NBEAL2: variants seen among roughly 807,000 people sequenced by gnomAD.
The protein encoded by NBEAL2 is neurobeachin-like protein 2.
NBEAL2 carries 160 observed loss-of-function variants against 299.8 expected under a neutral mutation model. The observed-to-expected ratio is 0.53, with a 90% CI of 0.47 to 0.61. The LOEUF (loss-of-function observed/expected upper bound fraction) is 0.61, where lower values mean the gene tolerates loss of function less well. Among genes scored for constraint, NBEAL2 ranks in the 20% least tolerant of loss-of-function variants. The pLI is 0.00. For missense variants in NBEAL2, 3,112 were observed against 3,649.0 expected, an observed-to-expected ratio of 0.85 and a Z score of 3.79; for synonymous variants, 1,493 against 1,542.3, an observed-to-expected ratio of 0.97 and a Z score of 0.75.
chr3:46,997,934 C>T (rs977859744), intron 20 of NBEAL2, 133 bp from the exon 21 acceptor site: 4 of 1,289,308 alleles, frequency 3.1e-6, no homozygotes, highest in Non-Finnish European at 4.2e-6. Flanking sequence ...CAGGAAGCCC[C>T]CAAAGGGTTC....
In NBEAL2 at chr3:46,982,946, A is replaced by G. The variant is rs2035445398; in HGVS notation, c.51+3034A>G. ...ACAGGCTGGCGGTTGGGCAGCCCAT[A>G]AAAGTTAATGCCACATAGCATGCAG... On this transcript the variant is annotated intron_variant, in intron 1 of 53. Coordinates refer to ENST00000450053, the MANE Select transcript of NBEAL2 (RefSeq NM_015175.3). The surrounding 1 kb of genome is among the most constrained non-coding windows in gnomAD (Gnocchi z 4.2). 6.6e-6 allele frequency among the ~76,000 whole-genome samples: 1 copy of G among 152,142 alleles called. No homozygotes were observed. Among genetic ancestry groups the G allele is most frequent in the Non-Finnish European group, 1.5e-5 (1 of 68,024 alleles).
chr3:46,995,877 TAG>T (rs1408881136), intron 14 of NBEAL2, 31 bp downstream of exon 14: 5 of 1,613,456 alleles, frequency 3.1e-6, no homozygotes, highest in Non-Finnish European at 4.2e-6. Context: ...TGTGGCCCAG[TAG>T]AGAGAGGGGT....
chr3:47,002,819 G>C lies in NBEAL2; in HGVS notation c.5459+17G>C. Reference sequence around the variant, plus strand: ...GGCGCTGAGGTGGGCCGGGCTTGGGGCAGGGTCGCTGTGGAGGGGTGGGGC... The same window carrying C: ...GGCGCTGAGGTGGGCCGGGCTTGGGCCAGGGTCGCTGTGGAGGGGTGGGGC... On this transcript the variant is annotated intron_variant, in intron 33 of 53. Coordinates refer to ENST00000450053, the MANE Select transcript of NBEAL2 (RefSeq NM_015175.3). 5 of 1,540,542 alleles carry C rather than the reference G, an allele frequency of 3.2e-6. No individual in the cohort carries two copies. Among genetic ancestry groups the C allele is most frequent in the Non-Finnish European group, 4.4e-6 (5 of 1,144,750 alleles).
intron 1 of NBEAL2, among the ~76,000 whole-genome samples, chr3:46,983,695 C>G (rs1412486725): frequency 1.3e-5 from 2 of 152,074 alleles, no homozygotes; most frequent in Non-Finnish European, 1.5e-5. Context: ...TGCTTGGTCC[C>G]CTGCCTCTAT....
Position 47,009,316 on chromosome 3 carries a change from G to A in NBEAL2, c.8261G>A (p.Arg2754His), listed in dbSNP as rs1391286241. The A allele has an allele frequency of 2.5e-6, 4 of 1,590,034 alleles. No individual in the cohort carries two copies. Among genetic ancestry groups the A allele is most frequent in the Admixed American group, 1.7e-5 (1 of 57,770 alleles). The part of the protein sequence containing the change: ...GETEYNPTEA[R>H] ...ACGGAATACAACCCTACTGAGGCGC[G>A]CTGAACCTGGCCAGTCCGGCTGCTC... is the stretch of plus-strand genomic sequence containing the variant. Residue 2754 changes from arginine to histidine, a missense_variant, in exon 54 of 54, where the codon CGC (arginine) becomes CAC (histidine). Arg to His is a conservative substitution (Grantham distance 29). Transcript: ENST00000450053.
At position 47,001,704 on chromosome 3, in the gene NBEAL2, T is replaced by C; in HGVS notation, c.4660T>C (p.Cys1554Arg). The change falls in exon 30 of 54, where the codon TGC becomes CGC. Residue 1554 changes from cysteine (C) to arginine (R), a missense_variant. Cys to Arg is a radical substitution (Grantham distance 180). Around this residue, in one of 3 missense-constraint regions of NBEAL2, gnomAD observed 2,243 missense variants for 2,538.1 expected, o/e 0.88. Transcript: ENST00000450053. The surrounding 1 kb of genome is among the most constrained non-coding windows in gnomAD (Gnocchi z 6.1). ...TCTGTGGCAGCTCTTTGAAGGTGTA[T>C]GCAGCCTACTTGATCGCCTGGGAGC... ...LWSEKLFEGV[C>R]SLLDRLGAWP... 4 of 1,613,794 alleles carry C rather than the reference T, an allele frequency of 2.5e-6. No homozygotes were observed. Among genetic ancestry groups the C allele is most frequent in the Non-Finnish European group, 3.4e-6 (4 of 1,179,824 alleles).
rs766754522 is a variant in NBEAL2 at position 46,989,186 on chromosome 3, G to A, written c.351+20G>A. 2 of 1,613,586 alleles carry A rather than the reference G, an allele frequency of 1.2e-6. No individual in the cohort carries two copies. Among genetic ancestry groups the A allele is most frequent in the Non-Finnish European group, 8.5e-7 (1 of 1,179,724 alleles). The stretch of plus-strand genomic sequence containing the variant: ...GCGGAGGTGAAGTGGCCTCTACCTT[G>A]GGGGGCAGAGGGTGTATGCAGGGAG... On this transcript the variant is annotated intron_variant, in intron 4 of 53. Transcript: ENST00000450053. The surrounding 1 kb of genome is among the most constrained non-coding windows in gnomAD (Gnocchi z 5.5).
In NBEAL2 at chr3:46,982,667, G is replaced by T. The variant is rs2035425572; in HGVS notation, c.51+2755G>T. Among the ~76,000 whole-genome samples, 1 of 152,196 alleles carries T rather than the reference G, an allele frequency of 6.6e-6. No homozygotes were observed. The highest frequency in any genetic ancestry group is 2.4e-5 in the African/African-American group (1 of 41,440). Reference sequence around the variant, plus strand: ...AGCTGAATGACTGGATAGAGGAGGTGGGTCCCATGGCAGTGACCAGTCAGG... The same window carrying T: ...AGCTGAATGACTGGATAGAGGAGGTTGGTCCCATGGCAGTGACCAGTCAGG... On this transcript the variant is annotated intron_variant, in intron 1 of 53. Transcript: ENST00000450053. The surrounding 1 kb of genome is among the most constrained non-coding windows in gnomAD (Gnocchi z 4.2).
At position 46,982,758 on chromosome 3, in the gene NBEAL2, G is replaced by A. The variant is rs1417303793; in HGVS notation, c.51+2846G>A. The stretch of plus-strand genomic sequence containing the variant: ...GAGAGGAAGAAACAGCAGGAGCAGT[G>A]GGACAAGAAGCAAATTGTCAGGAGT... On this transcript the variant is annotated intron_variant, in intron 1 of 53. Coordinates refer to ENST00000450053, the MANE Select transcript of NBEAL2 (RefSeq NM_015175.3). This position sits in a 1 kb window ranked among gnomAD's most constrained non-coding sequence, Gnocchi z 4.2. Among the ~76,000 whole-genome samples, 1 of 152,064 alleles carries A rather than the reference G, an allele frequency of 6.6e-6. No homozygotes were observed. Among genetic ancestry groups the A allele is most frequent in the East Asian group, 1.9e-4 (1 of 5,184 alleles).
chr3:46,988,192 T>G lies in NBEAL2; in HGVS notation c.52-477T>G. On this transcript the variant is annotated intron_variant, in intron 1 of 53. Coordinates refer to ENST00000450053, the MANE Select transcript of NBEAL2 (RefSeq NM_015175.3). This position sits in a 1 kb window ranked among gnomAD's most constrained non-coding sequence, Gnocchi z 4.4. ...ACACGTGTGTCCTGGGATCCACAGT[T>G]AAAGAAGGCTACTGAAGGTGGTGGC... 1.3e-6 allele frequency: 1 copy of G among 757,522 alleles called. No individual in the cohort carries two copies. Among genetic ancestry groups the G allele is most frequent in the Non-Finnish European group, 1.8e-6 (1 of 563,344 alleles). The allele number at this position is 757,522 out of a possible 1,614,324, so 46.9% of individuals were successfully genotyped here. A position where few individuals can be genotyped will look rare whatever the true frequency, so the allele number is the denominator to read the frequency against.
chr3:47,001,446 C>A lies in NBEAL2; in HGVS notation c.4644+8C>A. ...GAACTGTGGAGTGAGAAGGTGCGAC[C>A]CCTCAGAGAGGCGTGAGCCACATGA... On this transcript the variant is annotated splice_region_variant and intron_variant, in intron 29 of 53. Coordinates refer to ENST00000450053, the MANE Select transcript of NBEAL2 (RefSeq NM_015175.3). This position sits in a 1 kb window ranked among gnomAD's most constrained non-coding sequence, Gnocchi z 6.1. The A allele has an allele frequency of 6.2e-7, 1 of 1,610,672 alleles. No homozygotes were observed. The highest frequency in any genetic ancestry group is 1.1e-5 in the South Asian group (1 of 90,882).
chr3:46,983,953 T>C (rs181754405), intron 1 of NBEAL2, among the ~76,000 whole-genome samples: 1 of 152,200 alleles, frequency 6.6e-6, no homozygotes, highest in African/African-American at 2.4e-5. Context: ...TTGAACCTAC[T>C]TCCATTCTGT....
Position 47,003,927 on chromosome 3 carries a change from G to A in NBEAL2, c.5832G>A (p.Gln1944=), listed in dbSNP as rs1297314841. Reference sequence around the variant, plus strand: ...CAGGGCTGCTGGAGGTCACCACACAGAATGTATACTTCTACGATGGCAGCA... The same window carrying A: ...CAGGGCTGCTGGAGGTCACCACACAAAATGTATACTTCTACGATGGCAGCA... ...VVPGLLEVTT[Q]NVYFYDGSTE... Residue 1944 remains glutamine (Q), a synonymous_variant, in exon 36 of 54, where the codon CAG becomes CAA. Coordinates refer to ENST00000450053, the MANE Select transcript of NBEAL2 (RefSeq NM_015175.3). The surrounding 1 kb of genome is among the most constrained non-coding windows in gnomAD (Gnocchi z 7.0). 3.1e-6 allele frequency: 5 copies of A among 1,613,766 alleles called. No homozygotes were observed. In the East Asian group the frequency reaches 1.1e-4, roughly 36 times the overall value.
chr3:46,989,577 C>T lies in NBEAL2; in HGVS notation c.540C>T (p.Phe180=). The change falls in exon 6 of 54, where the codon TTC becomes TTT. Residue 180 remains phenylalanine, a synonymous_variant. Transcript: ENST00000450053. The surrounding 1 kb of genome is among the most constrained non-coding windows in gnomAD (Gnocchi z 5.5). ...CTCCTGCTGCTTTGCCCCAGGAATT[C>T]AGCGCCTTCTTCCAAGGTCAGGCCC... ...KFPPAALPQE[F]SAFFQESLQN... 1.3e-6 allele frequency: 2 copies of T among 1,593,884 alleles called. No homozygotes were observed. Among genetic ancestry groups the T allele is most frequent in the Non-Finnish European group, 8.5e-7 (1 of 1,170,080 alleles).
chr3:46,998,254 C>G, intron 21 of NBEAL2, 28 bp downstream of exon 21: 1 of 1,601,350 alleles, frequency 6.2e-7, no homozygotes, highest in Non-Finnish European at 8.5e-7. Flanking sequence ...AGCAAGGGGC[C>G]GGCCATAGGG....
chr3:47,005,535 C>T lies in NBEAL2; in HGVS notation c.6607C>T (p.Gln2203Ter). 1 of 1,611,116 alleles carries T rather than the reference C, an allele frequency of 6.2e-7. No individual in the cohort carries two copies. Among genetic ancestry groups the T allele is most frequent in the Non-Finnish European group, 8.5e-7 (1 of 1,179,132 alleles). ...RQFHSVAAAW[Q>*]ARLESPADVK... is the part of the protein sequence containing the mutation. ...GTTCCACTCGGTGGCGGCAGCCTGGCAGGCACGCCTGGAGAGCCCTGCCGA... is the reference window on the plus strand; with the variant it reads ...GTTCCACTCGGTGGCGGCAGCCTGGTAGGCACGCCTGGAGAGCCCTGCCGA... Residue 2203 changes from glutamine (Q) to a stop codon, truncating the protein, a stop_gained, in exon 41 of 54, where the codon CAG becomes TAG. Transcript: ENST00000450053. LOFTEE classifies it high-confidence loss of function.
chr3:47,005,014 C>G lies in NBEAL2; in HGVS notation c.6337C>G (p.Leu2113Val). 1 of 1,612,290 alleles carries G rather than the reference C, an allele frequency of 6.2e-7. No individual in the cohort carries two copies. Among genetic ancestry groups the G allele is most frequent in the Non-Finnish European group, 8.5e-7 (1 of 1,179,246 alleles). ...GGACTACGTGTCCCCAACCCTGGAC[C>G]TCAGCAACCCAGCCGTCTTCCGGGA... is the stretch of plus-strand genomic sequence containing the variant. ...LQDYVSPTLDLSNPAVFRDLS... is the reference protein window; with the variant it reads ...LQDYVSPTLDVSNPAVFRDLS... Residue 2113 changes from leucine (L) to valine (V), a missense_variant, in exon 39 of 54, where the codon CTC becomes GTC. Physicochemically the swap from Leu to Val is conservative, Grantham distance 32. Transcript: ENST00000450053.
chr3:47,005,730 T>G lies in NBEAL2; in HGVS notation c.6692-8T>G, dbSNP rs1452856715. Reference sequence around the variant, plus strand: ...CAGGGAGACAGCTGACCCAGTCCTCTGTGCCAGGTTTTGACCTGGGCTGTC... The same window carrying G: ...CAGGGAGACAGCTGACCCAGTCCTCGGTGCCAGGTTTTGACCTGGGCTGTC... On this transcript the variant is annotated splice_region_variant and splice_polypyrimidine_tract_variant and intron_variant, in intron 41 of 53. Coordinates refer to ENST00000450053, the MANE Select transcript of NBEAL2 (RefSeq NM_015175.3). 6.2e-7 allele frequency: 1 copy of G among 1,613,274 alleles called. No homozygotes were observed.
At position 46,997,241 on chromosome 3, in the gene NBEAL2, C is replaced by T. The variant is rs2036569175; in HGVS notation, c.2650-18C>T. On this transcript the variant is annotated intron_variant, in intron 18 of 53. Transcript: ENST00000450053. ...ACTGGCTGGAAGGTCCCCCTCACTG[C>T]CATCCTCCTTCCCCCAGGATGTGGT... 1 of 1,611,828 alleles carries T rather than the reference C, an allele frequency of 6.2e-7. No individual in the cohort carries two copies. The highest frequency in any genetic ancestry group is 2.2e-5 in the East Asian group (1 of 44,872).
Sources: gnomAD v4.1 joint callset for allele counts (sites outside exome capture counted in the v4.1 genomes callset) on GRCh38, gnomAD v4.1.1 for gene constraint, gnomAD v4.1.1 regional missense constraint, Gnocchi (gnomAD v3.1) non-coding constraint, MANE v1.5 for transcripts, NCBI Gene and HGNC (gene_info 2026-07-23, HGNC 2026-07-21) for gene names.